The following CREB5 variants were observed in gnomAD, a reference collection of about 807,000 sequenced individuals.
The protein encoded by CREB5 is cAMP responsive element binding protein 5.
In CREB5, 19 loss-of-function variants were observed where a neutral mutation model predicts 57.1. The observed-to-expected ratio is 0.33, with a 90% CI of 0.23 to 0.49. The LOEUF is 0.49. Among genes scored for constraint, CREB5 ranks in the 20% least tolerant of loss-of-function variants. CREB5 has a pLI of 0.99. For missense variants in CREB5, 579 were observed against 671.6 expected (o/e 0.86, Z 1.52); for synonymous variants, 238 against 238.3 (o/e 1.00, Z 0.01).
chr7:28,765,741 C>G (rs1356858840), intron 7 of CREB5, among the ~76,000 whole-genome samples: 2 of 152,224 alleles, frequency 1.3e-5, no homozygotes, highest in Admixed American at 1.3e-4. Context: ...CACCAGATCT[C>G]AAGACCAGCA....
chr7:28,316,047 G>A (rs1181168350), intron 1 of CREB5, among the ~76,000 whole-genome samples: 1 of 152,170 alleles, frequency 6.6e-6, no homozygotes, highest in Non-Finnish European at 1.5e-5. Context: ...AAAACCTGGA[G>A]ACCCAAGTTG....
intron 5 of CREB5, among the ~76,000 whole-genome samples, chr7:28,708,956 G>C (rs1310452585): frequency 6.6e-6 from 1 of 152,120 alleles, no homozygotes; most frequent in African/African-American, 2.4e-5. Flanking sequence ...TAATCAGAGG[G>C]CTACTTATTT....
At chr7:28,401,183 C>G (rs947251642) in intron 1 of CREB5, among the ~76,000 whole-genome samples, 1 of 152,036 alleles carries the variant, frequency 6.6e-6, no homozygotes, top group Non-Finnish European at 1.5e-5. Flanking sequence ...ATAAGAGCAA[C>G]TTTTATAGGG....
chr7:28,521,389 G>T (rs1466509860), intron 4 of CREB5, among the ~76,000 whole-genome samples: 5 of 152,128 alleles, frequency 3.3e-5, no homozygotes, highest in Non-Finnish European at 7.4e-5. Context: ...CTTCTCCCCA[G>T]GCTCGCGGAG....
At chr7:28,304,646 C>T (rs1436233933) in intron 1 of CREB5, among the ~76,000 whole-genome samples, 3 of 152,032 alleles carry the variant, frequency 2.0e-5, no homozygotes, top group Non-Finnish European at 4.4e-5. Context: ...TTTGTAAGTC[C>T]ATAAAAAGAG....
chr7:28,627,985 A>G (rs955848933), intron 5 of CREB5, among the ~76,000 whole-genome samples: 2 of 152,116 alleles, frequency 1.3e-5, no homozygotes, highest in Non-Finnish European at 2.9e-5. Flanking sequence ...TATAATTTAT[A>G]TGAAATATCC....
intron 5 of CREB5, among the ~76,000 whole-genome samples, chr7:28,669,598 T>C (rs1799951891): frequency 7.1e-6 from 1 of 141,654 alleles, no homozygotes. Context: ...TCGGAAGTTA[T>C]TTCAAAATAA....
At chr7:28,760,151 G>A (rs1172972941) in intron 7 of CREB5, among the ~76,000 whole-genome samples, 1 of 152,158 alleles carries the variant, frequency 6.6e-6, no homozygotes, top group Non-Finnish European at 1.5e-5. Context: ...TTTCTGGCTT[G>A]TTGATTTCCC....
rs185420847 is a variant in CREB5 at position 28,353,438 on chromosome 7, G to A, written c.-25+53997G>A. 2.7e-3 allele frequency among the ~76,000 whole-genome samples: 412 copies of A among 152,300 alleles called. 2 individuals are homozygous for A. Among genetic ancestry groups the A allele is most frequent in the African/African-American group, 9.3e-3 (388 of 41,548 alleles). On this transcript the variant is annotated intron_variant, in intron 1 of 9. Transcript: ENST00000396299. ...GTGAGTGATGGCTTCTCAGAAATGA[G>A]TTACATTATCTCCAGCAAGATGTGA... is the stretch of plus-strand genomic sequence containing the variant.
chr7:28,514,036 GA>G (rs1181432010), intron 4 of CREB5, among the ~76,000 whole-genome samples: 1 of 152,208 alleles, frequency 6.6e-6, no homozygotes, highest in African/African-American at 2.4e-5. Context: ...AGCAGCTCAG[GA>G]AGCTGACAGC....
chr7:28,562,009 G>C (rs903778969), intron 4 of CREB5, among the ~76,000 whole-genome samples: 7 of 152,198 alleles, frequency 4.6e-5, no homozygotes, highest in Admixed American at 3.3e-4. Context: ...GCCTCCCAAA[G>C]TGCTGGGATT....
intron 3 of CREB5, among the ~76,000 whole-genome samples, chr7:28,501,097 A>G (rs1792257309): frequency 6.6e-6 from 1 of 152,094 alleles, no homozygotes; most frequent in Admixed American, 6.6e-5. Flanking sequence ...AATAAGATCA[A>G]AGGAATAAGT....
At chr7:28,494,005 C>G (rs1791913829) in intron 2 of CREB5, among the ~76,000 whole-genome samples, 1 of 152,176 alleles carries the variant, frequency 6.6e-6, no homozygotes, top group African/African-American at 2.4e-5. Flanking sequence ...GCATGTAATT[C>G]TTTCCCAAAG....
upstream of CREB5, chr7:28,412,447 C>T (rs1787837178): frequency 6.5e-6 from 1 of 152,954 alleles, no homozygotes; most frequent in South Asian, 2.1e-4. Context: ...AACTAGATGG[C>T]GCACTGTTAT....
chr7:28,593,001 G>A (rs995407910), intron 5 of CREB5, among the ~76,000 whole-genome samples: 2 of 152,226 alleles, frequency 1.3e-5, no homozygotes, highest in Non-Finnish European at 2.9e-5. Context: ...GTAGTGGGGT[G>A]TGCATGGCAC....
intron 4 of CREB5, among the ~76,000 whole-genome samples, chr7:28,511,323 C>T (rs555970395): frequency 2.0e-5 from 3 of 152,098 alleles, no homozygotes; most frequent in African/African-American, 7.2e-5. Flanking sequence ...CACATAAGTG[C>T]AAAGGCCTGA....
chr7:28,640,580 A>T (rs188513879), intron 5 of CREB5, among the ~76,000 whole-genome samples: 5 of 152,326 alleles, frequency 3.3e-5, no homozygotes, highest in Admixed American at 2.0e-4. Context: ...TTTTATGGCG[A>T]TCACAAGAAA....
At chr7:28,498,805 T>G (rs1792160697) in intron 3 of CREB5, among the ~76,000 whole-genome samples, 3 of 152,172 alleles carry the variant, frequency 2.0e-5, no homozygotes, top group African/African-American at 7.2e-5. Context: ...CTTTATTTGG[T>G]CCACGTGATG....
At position 28,373,102 on chromosome 7, in the gene CREB5, T is replaced by C. The variant is rs763279677; in HGVS notation, c.-25+73661T>C. ...TGCAGCGTCTGGACTCCAGCTCTAA[T>C]AGGCTTTTATCTGCGACTAAGTCCT... On this transcript the variant is annotated intron_variant, in intron 1 of 9. Coordinates refer to the CREB5 transcript ENST00000396299. Among the ~76,000 whole-genome samples the C allele has an allele frequency of 6.6e-4, 101 of 152,182 alleles. 2 individuals are homozygous for C. Among genetic ancestry groups the C allele is most frequent in the Non-Finnish European group, 1.6e-4 (11 of 68,034 alleles).
Sources: allele counts gnomAD v4.1 joint callset (sites outside exome capture counted in the v4.1 genomes callset), GRCh38; gene constraint gnomAD v4.1.1; transcripts MANE v1.5; gene names NCBI Gene and HGNC (gene_info 2026-07-23, HGNC 2026-07-21).